The following TMCC1 variants were observed in gnomAD, a reference collection of about 807,000 sequenced individuals.
TMCC1 encodes transmembrane and coiled-coil domains protein 1.
A neutral mutation model predicts 52.4 loss-of-function variants in TMCC1; 15 were observed. The observed-to-expected ratio is 0.29, with a 90% confidence interval of 0.19 to 0.44. The LOEUF (loss-of-function observed/expected upper bound fraction) is 0.44, where lower values mean the gene tolerates loss of function less well. TMCC1 is among the 20% of genes least tolerant of loss of function. The pLI, the probability that TMCC1 is intolerant of heterozygous loss-of-function variation, is 1.00. For missense variants in TMCC1, 503 were observed against 806.0 expected (o/e 0.62, Z 4.55); for synonymous variants, 279 against 301.9 (o/e 0.92, Z 0.79).
intron 4 of TMCC1, among the ~76,000 whole-genome samples, chr3:129,720,167 G>GT (rs1223143302): frequency 4.6e-5 from 6 of 130,488 alleles, no homozygotes; most frequent in African/African-American, 1.5e-4. Flanking sequence ...GGGCAACAGA[G>GT]TAAGACCCTG....
chr3:129,801,798 C>T (rs893338989), intron 4 of TMCC1, among the ~76,000 whole-genome samples: 2 of 152,192 alleles, frequency 1.3e-5, no homozygotes, highest in Non-Finnish European at 2.9e-5. Flanking sequence ...ATCCTACACT[C>T]AAGATTCGGC....
At chr3:129,745,471 G>C (rs1457772481) in intron 4 of TMCC1, among the ~76,000 whole-genome samples, 1 of 152,214 alleles carries the variant, frequency 6.6e-6, no homozygotes, top group Non-Finnish European at 1.5e-5. Flanking sequence ...CTCCTCTTCA[G>C]AGCAAATGCC....
chr3:129,798,586 CTT>C (rs763605303), intron 4 of TMCC1, among the ~76,000 whole-genome samples: 2 of 129,622 alleles, frequency 1.5e-5, no homozygotes, highest in African/African-American at 2.9e-5. Context: ...GTAAGTGAAA[CTT>C]AATTTCCCTC....
rs1382071775 is a variant in TMCC1, at chr3:129,880,559, C to A, written c.-434G>T. 1 of 152,116 alleles carries A rather than the reference C, an allele frequency of 6.6e-6. No individual in the cohort carries two copies. The highest frequency in any genetic ancestry group is 2.4e-5 in the African/African-American group (1 of 41,402). 9.4% of individuals were successfully genotyped at this position (152,116 alleles called of 1,614,324 possible). On this transcript the variant is annotated splice_region_variant and 5_prime_UTR_variant, in exon 2 of 7. Coordinates refer to ENST00000393238, the MANE Select transcript of TMCC1 (RefSeq NM_001017395.5). ...GATGTGTCTTCTCCAGAGATTAATA[C>A]CTGCTGGGACAGAGAAGCAAGAAAA...
intron 4 of TMCC1, among the ~76,000 whole-genome samples, chr3:129,765,400 C>T (rs1392005657): frequency 6.6e-6 from 1 of 151,914 alleles, no homozygotes; most frequent in Admixed American, 6.6e-5. Context: ...ATATAACATC[C>T]ATTATTTATC....
intron 4 of TMCC1, among the ~76,000 whole-genome samples, chr3:129,732,095 T>C (rs963079270): frequency 1.3e-5 from 2 of 152,258 alleles, no homozygotes; most frequent in Non-Finnish European, 2.9e-5. Context: ...TGGCATAGTA[T>C]GTTGCAACCT....
At chr3:129,788,086 G>A (rs993257189) in intron 4 of TMCC1, among the ~76,000 whole-genome samples, 2 of 152,122 alleles carry the variant, frequency 1.3e-5, no homozygotes, top group African/African-American at 2.4e-5. Flanking sequence ...CAAAAGGAAG[G>A]GGAAGAGTAT....
In TMCC1 at chr3:129,670,835, C is replaced by T. The variant is rs374299259; in HGVS notation, c.1006G>A (p.Val336Met). The change falls in exon 5 of 7, where the codon GTG becomes ATG. Residue 336 changes from valine to methionine, a missense_variant. This residue lies in a region of TMCC1 where 73 missense variants were observed against 182.9 expected (regional missense o/e 0.40). Coordinates refer to ENST00000393238, the MANE Select transcript of TMCC1 (RefSeq NM_001017395.5). ...HQGLKDVGAK[V>M]TGFSEGVVDS... ...ACCACACCTTCACTGAAGCCAGTCA[C>T]CTTTGCTCCTACATCCTTCAGACCC... The T allele has an allele frequency of 9.9e-6, 16 of 1,614,080 alleles. No individual in the cohort carries two copies. Among genetic ancestry groups the T allele is most frequent in the African/African-American group, 9.3e-5 (7 of 74,910 alleles).
chr3:129,654,038 CA>C (rs750826221), intron 6 of TMCC1, among the ~76,000 whole-genome samples: 1 of 151,956 alleles, frequency 6.6e-6, no homozygotes, highest in African/African-American at 2.4e-5. Context: ...CCAACCCCCC[CA>C]AAAAAAGTGT....
intron 4 of TMCC1, among the ~76,000 whole-genome samples, chr3:129,696,915 TCTACCCCTGTGGCTTTGCAGG>T (rs2047453118): frequency 6.6e-6 from 1 of 152,234 alleles, no homozygotes; most frequent in South Asian, 2.1e-4. Flanking sequence ...CTTGGGCAGC[TCTACCCCTGTGGCTTTGCAGG>T]GTACAGCCCT....
At chr3:129,667,829 A>G (rs1472555067) in intron 5 of TMCC1, among the ~76,000 whole-genome samples, 6 of 152,214 alleles carry the variant, frequency 3.9e-5, no homozygotes, top group Non-Finnish European at 8.8e-5. Flanking sequence ...ACATGAAGAC[A>G]TAACAAGCTC....
rs200815028 is a variant in TMCC1, at chr3:129,651,793, C to G, written c.1650G>C (p.Glu550Asp). 1.2e-5 allele frequency: 20 copies of G among 1,612,254 alleles called. No homozygotes were observed. The highest frequency in any genetic ancestry group is 8.5e-7 in the Non-Finnish European group (1 of 1,179,018). Residue 550 changes from glutamate to aspartate, a missense_variant and splice_region_variant, in exon 7 of 7, where the codon GAG (glutamate) becomes GAC (aspartate). Physicochemically the swap from Glu to Asp is conservative, Grantham distance 45. Coordinates refer to ENST00000393238, the MANE Select transcript of TMCC1 (RefSeq NM_001017395.5). The surrounding 1 kb of genome is among the most constrained non-coding windows in gnomAD (Gnocchi z 5.1). ...QSYERARDIQ[E>D]ALEACQTRIS... ...TGCGCGTCTGGCATGCCTCCAGGGC[C>G]TCCTGTGGGCCAGAACAGGGAAGAG...
chr3:129,679,493 A>G (rs977294015), intron 4 of TMCC1, among the ~76,000 whole-genome samples: 1 of 151,976 alleles, frequency 6.6e-6, no homozygotes, highest in South Asian at 2.1e-4. Flanking sequence ...TTTAGTAGAG[A>G]TGGGGTTTCC....
intron 2 of TMCC1, among the ~76,000 whole-genome samples, chr3:129,861,863 T>C (rs1343590069): frequency 1.3e-5 from 2 of 152,216 alleles, no homozygotes; most frequent in Non-Finnish European, 2.9e-5. Flanking sequence ...GCAATTCCAT[T>C]TCTAGGCATA....
At chr3:129,746,669 T>C (rs141690184) in intron 4 of TMCC1, among the ~76,000 whole-genome samples, 1 of 152,302 alleles carries the variant, frequency 6.6e-6, no homozygotes, top group East Asian at 1.9e-4. Context: ...CTAGCATTCT[T>C]AAAAGAGCAA....
intron 4 of TMCC1, among the ~76,000 whole-genome samples, chr3:129,724,238 G>A (rs2049898842): frequency 6.6e-6 from 1 of 152,186 alleles, no homozygotes; most frequent in Non-Finnish European, 1.5e-5. Flanking sequence ...GGTGTCACAT[G>A]AGATAATCTT....
intron 5 of TMCC1, among the ~76,000 whole-genome samples, chr3:129,657,319 A>T (rs1361439506): frequency 6.6e-6 from 1 of 152,218 alleles, no homozygotes; most frequent in Non-Finnish European, 1.5e-5. Context: ...AGTAGAACAG[A>T]TTAAAAAATA....
chr3:129,739,752 G>T (rs2051295939), intron 4 of TMCC1, among the ~76,000 whole-genome samples: 1 of 152,134 alleles, frequency 6.6e-6, no homozygotes, highest in Admixed American at 6.5e-5. Context: ...AAGTAAAACA[G>T]CCTAAAAATT....
intron 2 of TMCC1, among the ~76,000 whole-genome samples, chr3:129,879,368 G>C (rs2061361734): frequency 6.6e-6 from 1 of 152,136 alleles, no homozygotes; most frequent in African/African-American, 2.4e-5. Context: ...TTGTGCCCAG[G>C]AATGTGAGAT....
Sources: gnomAD v4.1 joint callset for allele counts (sites outside exome capture counted in the v4.1 genomes callset) on GRCh38, gnomAD v4.1.1 for gene constraint, gnomAD v4.1.1 regional missense constraint, Gnocchi (gnomAD v3.1) non-coding constraint, MANE v1.5 for transcripts, NCBI Gene and HGNC (gene_info 2026-07-23, HGNC 2026-07-21) for gene names.